The following TUSC3 variants were observed in gnomAD, a reference collection of about 807,000 sequenced individuals.
TUSC3 encodes tumor suppressor candidate 3, also known as dolichyl-diphosphooligosaccharide--protein glycosyltransferase subunit TUSC3.
Under a neutral mutation model 44.8 loss-of-function variants are expected in TUSC3, and 45 were observed. The observed-to-expected ratio is 1.00, with a 90% CI of 0.79 to 1.29. The LOEUF is 1.29. Ranked by LOEUF, TUSC3 falls within the 50% of genes most tolerant of loss-of-function variation. The pLI is 0.00. For missense variants in TUSC3, 519 were observed against 437.9 expected, an observed-to-expected ratio of 1.19 and a Z score of -1.65; for synonymous variants, 212 against 152.9, an observed-to-expected ratio of 1.39 and a Z score of -2.85.
chr8:15,473,443 T>C (rs929378433), intron 1 of TUSC3, among the ~76,000 whole-genome samples: 2 of 152,236 alleles, frequency 1.3e-5, no homozygotes, highest in Non-Finnish European at 2.9e-5. Context: ...GCTCTTCAAC[T>C]TGAAGTCTTG....
intron 2 of TUSC3, among the ~76,000 whole-genome samples, chr8:15,501,445 A>C (rs940552797): frequency 1.3e-5 from 2 of 152,230 alleles, no homozygotes; most frequent in African/African-American, 4.8e-5. Flanking sequence ...GTCTTAAGTT[A>C]CTGGAAAATA....
chr8:15,435,878 C>G (rs995688852), intron 1 of TUSC3, among the ~76,000 whole-genome samples: 1 of 152,114 alleles, frequency 6.6e-6, no homozygotes, highest in East Asian at 1.9e-4. Context: ...CAGATTACCT[C>G]CAAAGCTTAG....
At chr8:15,815,957 G>A in the TUSC3 span, among the ~76,000 whole-genome samples, 1 of 152,226 alleles carries the variant, frequency 6.6e-6, no homozygotes, top group African/African-American at 2.4e-5. Context: ...AGCAATTAAT[G>A]GGACAAACCT....
chr8:15,519,347 T>G (rs952769555), intron 2 of TUSC3, among the ~76,000 whole-genome samples: 1 of 152,158 alleles, frequency 6.6e-6, no homozygotes, highest in Non-Finnish European at 1.5e-5. Flanking sequence ...TTTTATAGCT[T>G]TTCTTTGTTA....
At chr8:15,427,078 TG>T (rs987724318) in intron 1 of TUSC3, among the ~76,000 whole-genome samples, 33 of 147,136 alleles carry the variant, frequency 2.2e-4, no homozygotes, top group African/African-American at 5.0e-4. Context: ...GTTTGGTGTT[TG>T]TTTTTTTTTT....
intron 1 of TUSC3, among the ~76,000 whole-genome samples, chr8:15,444,586 C>T (rs1180611036): frequency 2.0e-5 from 3 of 152,052 alleles, no homozygotes; most frequent in African/African-American, 4.8e-5. Context: ...ATTGACTTAG[C>T]AAGATTCTTG....
At chr8:15,667,370 A>T (rs1158051851) in intron 5 of TUSC3, among the ~76,000 whole-genome samples, 1 of 151,730 alleles carries the variant, frequency 6.6e-6, no homozygotes, top group African/African-American at 2.4e-5. Context: ...AAGTTTTAAA[A>T]AATGAACAAT....
chr8:15,647,028 T>G (rs1265075141), intron 2 of TUSC3, among the ~76,000 whole-genome samples: 1 of 152,136 alleles, frequency 6.6e-6, no homozygotes, highest in Non-Finnish European at 1.5e-5. Flanking sequence ...GACATCTTCT[T>G]CCCCATCACC....
chr8:15,730,608 C>G, intron 6 of TUSC3, 58 bp from the exon 7 acceptor site: 5 of 1,554,286 alleles, frequency 3.2e-6, no homozygotes, highest in Non-Finnish European at 4.4e-6. Context: ...TGACTTAAAA[C>G]TACAAAATAA....
chr8:15,531,950 A>T (rs140883479), intron 2 of TUSC3, among the ~76,000 whole-genome samples: 1 of 152,332 alleles, frequency 6.6e-6, no homozygotes, highest in Non-Finnish European at 1.5e-5. Context: ...TGTCTATAAA[A>T]GAAATTATTT....
the TUSC3 span, among the ~76,000 whole-genome samples, chr8:15,840,120 C>T: frequency 3.9e-5 from 6 of 152,020 alleles, no homozygotes; most frequent in Admixed American, 6.6e-5. Context: ...AGCAAACTAT[C>T]GCAAGACCAA....
chr8:15,724,944 C>T (rs776379686), intron 6 of TUSC3, among the ~76,000 whole-genome samples: 1 of 152,092 alleles, frequency 6.6e-6, no homozygotes, highest in Non-Finnish European at 1.5e-5. Flanking sequence ...TTTTAAAATG[C>T]AAGAAGAAGG....
intron 1 of TUSC3, among the ~76,000 whole-genome samples, chr8:15,542,889 GTTGATGTT>G (rs1453953997): frequency 6.6e-6 from 1 of 152,198 alleles, no homozygotes; most frequent in Admixed American, 6.5e-5. Context: ...AGCTTAAATA[GTTGATGTT>G]TTCAAGACTG....
intron 9 of TUSC3, among the ~76,000 whole-genome samples, chr8:15,751,952 C>G (rs1028410390): frequency 2.6e-5 from 4 of 152,112 alleles, no homozygotes; most frequent in Admixed American, 1.3e-4. Context: ...AAGGATTTCA[C>G]AATTGCCTCT....
chr8:15,620,987 GTGTC>G (rs149813152), intron 1 of TUSC3, among the ~76,000 whole-genome samples: 3,844 of 143,278 alleles, frequency 0.027, 58 homozygotes, highest in East Asian at 0.049. Context: ...TGTGTGGTGT[GTGTC>G]TGTGTGTGAG....
Position 15,581,436 on chromosome 8 carries a change from C to A in TUSC3, c.138+40868C>A, listed in dbSNP as rs1368188797. ...CAGTTTTTCAGTTCTGTTTTTTCCC[C>A]ATCTTTGTGGTTTTATCTACTTTTG... is the stretch of plus-strand genomic sequence containing the variant. On this transcript the variant is annotated intron_variant, in intron 1 of 10. Coordinates refer to ENST00000503731, the MANE Select transcript of TUSC3 (RefSeq NM_006765.4). Among the ~76,000 whole-genome samples the A allele has an allele frequency of 8.0e-5, 12 of 149,242 alleles. No homozygotes were observed. The South Asian group carries it at 2.5e-3, about 31-fold the overall frequency.
chr8:15,730,369 T>G (rs904547252), intron 6 of TUSC3, among the ~76,000 whole-genome samples: 3 of 152,266 alleles, frequency 2.0e-5, no homozygotes, highest in Admixed American at 6.5e-5. Flanking sequence ...TTGCAATACC[T>G]CTACAGGAAT....
At chr8:15,681,150 G>A (rs1204587844) in intron 6 of TUSC3, among the ~76,000 whole-genome samples, 1 of 148,282 alleles carries the variant, frequency 6.7e-6, no homozygotes, top group Non-Finnish European at 1.5e-5. Context: ...TTTTGGAATA[G>A]TTTCAGTAAA....
At chr8:15,524,186 C>G (rs1015331750) in intron 2 of TUSC3, among the ~76,000 whole-genome samples, 2 of 151,970 alleles carry the variant, frequency 1.3e-5, no homozygotes, top group Non-Finnish European at 2.9e-5. Flanking sequence ...GATCATACTG[C>G]ATATTTTGTT....
Sources: gnomAD v4.1 joint callset for allele counts (sites outside exome capture counted in the v4.1 genomes callset) on GRCh38, gnomAD v4.1.1 for gene constraint, MANE v1.5 for transcripts, NCBI Gene and HGNC (gene_info 2026-07-23, HGNC 2026-07-21) for gene names.